Variants in KREMEN1 observed in about 807,000 individuals in gnomAD.
KREMEN1 encodes kringle containing transmembrane protein 1.
A neutral mutation model predicts 46.5 loss-of-function variants in KREMEN1; 30 were observed. The ratio of observed to expected loss-of-function variants is 0.65; its 90% confidence interval spans 0.48 to 0.88. The LOEUF (loss-of-function observed/expected upper bound fraction) is 0.88. KREMEN1 is among the 40% of genes least tolerant of loss of function. The pLI is 0.00. For missense variants in KREMEN1, 533 were observed against 596.9 expected (o/e 0.89, Z 1.11); for synonymous variants, 214 against 230.6 (o/e 0.93, Z 0.65).
chr22:29,159,575 C>T (rs1411432031), intron 9 of KREMEN1, among the ~76,000 whole-genome samples: 1 of 152,004 alleles, frequency 6.6e-6, no homozygotes, highest in Non-Finnish European at 1.5e-5. Flanking sequence ...GCCGAGATCA[C>T]GTCACTGCAC....
intron 1 of KREMEN1, among the ~76,000 whole-genome samples, chr22:29,077,788 G>A (rs1226580860): frequency 6.6e-6 from 1 of 152,108 alleles, no homozygotes; most frequent in Non-Finnish European, 1.5e-5. Flanking sequence ...TGAGAAGGAG[G>A]CTTGATTTTG....
chr22:29,137,440 T>C lies in KREMEN1; in HGVS notation c.730T>C (p.Trp244Arg). The change falls in exon 6 of 9, where the codon TGG becomes CGG. Residue 244 changes from tryptophan to arginine, a missense_variant. By Grantham distance (101) the Trp-to-Arg change is moderately radical. Transcript: ENST00000400335. The part of the protein sequence containing the change: ...DTYATGRVCY[W>R]TIRVPGASHI... Reference sequence around the variant, plus strand: ...CTATGCCACGGGGAGGGTCTGCTACTGGACCATCCGGGTTCCGGGGGCCTC... The same window carrying C: ...CTATGCCACGGGGAGGGTCTGCTACCGGACCATCCGGGTTCCGGGGGCCTC... 6.2e-7 allele frequency: 1 copy of C among 1,600,670 alleles called. No individual in the cohort carries two copies. Among genetic ancestry groups the C allele is most frequent in the Middle Eastern group, 1.7e-4 (1 of 6,024 alleles).
chr22:29,090,639 T>TA (rs1191774740), intron 1 of KREMEN1, among the ~76,000 whole-genome samples: 1 of 152,120 alleles, frequency 6.6e-6, no homozygotes, highest in Non-Finnish European at 1.5e-5. Context: ...TCAAAGGAAA[T>TA]AAAATCACTG....
Position 29,130,779 on chromosome 22 carries a change from C to T in KREMEN1, c.631+5363C>T, listed in dbSNP as rs182200018. On this transcript the variant is annotated intron_variant, in intron 5 of 8. Coordinates refer to ENST00000400335, the MANE Select transcript of KREMEN1 (RefSeq NM_001039570.3). ...AGAATCACAGAAGGCAGGAGGACAC[C>T]GGCCCCCTGCCATGGAGGGCTTGCC... is the stretch of plus-strand genomic sequence containing the variant. 3.3e-4 allele frequency among the ~76,000 whole-genome samples: 50 copies of T among 152,300 alleles called. No individual in the cohort carries two copies. The East Asian group carries it at 6.7e-3, about 21-fold the overall frequency.
intron 7 of KREMEN1, among the ~76,000 whole-genome samples, chr22:29,139,608 GAA>G (rs1469233945): frequency 6.6e-6 from 1 of 151,832 alleles, no homozygotes; most frequent in Non-Finnish European, 1.5e-5. Flanking sequence ...GTCTCAAAAA[GAA>G]AAGAGTAGAA....
At chr22:29,079,238 T>C (rs2037618892) in intron 1 of KREMEN1, among the ~76,000 whole-genome samples, 1 of 152,264 alleles carries the variant, frequency 6.6e-6, no homozygotes, top group Admixed American at 6.5e-5. Flanking sequence ...AAATTCTCTT[T>C]CTAGGTAAAC....
intron 2 of KREMEN1, among the ~76,000 whole-genome samples, chr22:29,095,741 C>T (rs2037874013): frequency 6.6e-6 from 1 of 152,142 alleles, no homozygotes; most frequent in Non-Finnish European, 1.5e-5. Context: ...TTGTAGTTGT[C>T]TCAAAGTCAC....
chr22:29,142,319 C>T lies in KREMEN1; in HGVS notation c.*207C>T. On this transcript the variant is annotated 3_prime_UTR_variant, in exon 9 of 9. Coordinates refer to ENST00000400335, the MANE Select transcript of KREMEN1 (RefSeq NM_001039570.3). ...TGGATTCCTCCTGCTTCATCGATTG[C>T]ACTTAGGAGAGAGACTCAAAGCCCT... The T allele has an allele frequency of 2.4e-6, 3 of 1,274,644 alleles. No individual in the cohort carries two copies. Among genetic ancestry groups the T allele is most frequent in the Non-Finnish European group, 3.0e-6 (3 of 1,012,684 alleles). 79.0% of individuals were successfully genotyped at this position (1,274,644 alleles called of 1,614,324 possible). A position where few individuals can be genotyped will look rare whatever the true frequency, so the allele number is the denominator to read the frequency against.
intron 1 of KREMEN1, among the ~76,000 whole-genome samples, chr22:29,092,948 C>G (rs916698100): frequency 1.2e-4 from 18 of 152,072 alleles, no homozygotes; most frequent in African/African-American, 4.3e-4. Context: ...GCACTCCAGC[C>G]TGGGCAACAG....
chr22:29,080,320 C>T (rs1282146324), intron 1 of KREMEN1, among the ~76,000 whole-genome samples: 1 of 152,246 alleles, frequency 6.6e-6, no homozygotes, highest in Admixed American at 6.5e-5. Context: ...CTGCCATCTG[C>T]ACCTCGTCTA....
rs2038353385 is a variant in KREMEN1, at chr22:29,121,349, T to C, written c.353-8T>C. 1 of 1,613,012 alleles carries C rather than the reference T, an allele frequency of 6.2e-7. No individual in the cohort carries two copies. Among genetic ancestry groups the C allele is most frequent in the South Asian group, 1.1e-5 (1 of 90,934 alleles). On this transcript the variant is annotated splice_polypyrimidine_tract_variant and splice_region_variant and intron_variant, in intron 3 of 8. Coordinates refer to ENST00000400335, the MANE Select transcript of KREMEN1 (RefSeq NM_001039570.3). The stretch of plus-strand genomic sequence containing the variant: ...TGCGAAATTCTTTTGTTTTTCTTTT[T>C]TCTTTAGTGCCTGGAAACCTTGGCT...
chr22:29,104,851 G>A (rs988651847), intron 3 of KREMEN1, among the ~76,000 whole-genome samples: 3 of 152,102 alleles, frequency 2.0e-5, no homozygotes, highest in South Asian at 2.1e-4. Flanking sequence ...CTGAGATGGC[G>A]CCATTGCACT....
At chr22:29,167,127 C>T (rs775689674) in exon 10 of KREMEN1, 14 of 1,547,220 alleles carry the variant, frequency 9.0e-6, no homozygotes, top group Admixed American at 2.0e-5. Context: ...AACTAGGCTC[C>T]GTGGGCATAT....
At chr22:29,102,207 T>C (rs1280174669) in intron 3 of KREMEN1, among the ~76,000 whole-genome samples, 1 of 152,162 alleles carries the variant, frequency 6.6e-6, no homozygotes, top group Non-Finnish European at 1.5e-5. Flanking sequence ...TGGAATAGCA[T>C]CTGAATGCTG....
rs541183302 is a variant in KREMEN1, at chr22:29,073,556, C to T, written c.97+329C>T. Among the ~76,000 whole-genome samples, 1 of 152,152 alleles carries T rather than the reference C, an allele frequency of 6.6e-6. No homozygotes were observed. Among genetic ancestry groups the T allele is most frequent in the African/African-American group, 2.4e-5 (1 of 41,538 alleles). On this transcript the variant is annotated intron_variant, in intron 1 of 8. Transcript: ENST00000400335. The surrounding 1 kb of genome is among the most constrained non-coding windows in gnomAD (Gnocchi z 4.4). ...CGCCCCCCGGGCTGGGACATCTTCTCTGTCTCGGGATCTGGGACCCGCTGC... is the reference window on the plus strand; with the variant it reads ...CGCCCCCCGGGCTGGGACATCTTCTTTGTCTCGGGATCTGGGACCCGCTGC...
chr22:29,093,952 T>C lies in KREMEN1; in HGVS notation c.98-306T>C, dbSNP rs1401920280. Among the ~76,000 whole-genome samples, 4 of 152,250 alleles carry C rather than the reference T, an allele frequency of 2.6e-5. No homozygotes were observed. In the East Asian group the frequency reaches 7.7e-4, roughly 29 times the overall value. On this transcript the variant is annotated intron_variant, in intron 1 of 8. Coordinates refer to ENST00000400335, the MANE Select transcript of KREMEN1 (RefSeq NM_001039570.3). ...ACTGTTCCCAGATTTAGGGGTTTCC[T>C]GGTTCACTTCATGGGCTTCAGTACA...
chr22:29,157,181 T>C (rs2038970227), intron 9 of KREMEN1, among the ~76,000 whole-genome samples: 2 of 152,156 alleles, frequency 1.3e-5, no homozygotes, highest in African/African-American at 2.4e-5. Context: ...CACGCAAAGA[T>C]TACAGTCAGG....
At position 29,137,675 on chromosome 22, in the gene KREMEN1, G is replaced by T. The variant is rs1024936783; in HGVS notation, c.964+1G>T. Reference sequence around the variant, plus strand: ...CAGGGATTTGCTGTTTTATACCAAGGTAAGACATCTTTGCCTCCTTGGGGG... The same window carrying T: ...CAGGGATTTGCTGTTTTATACCAAGTTAAGACATCTTTGCCTCCTTGGGGG... On this transcript the variant is annotated splice_donor_variant, in intron 6 of 8. Transcript: ENST00000400335. LOFTEE classifies it high-confidence loss of function. 1.9e-6 allele frequency: 3 copies of T among 1,582,888 alleles called. No individual in the cohort carries two copies. The African/African-American group carries it at 4.0e-5, about 21-fold the overall frequency.
At chr22:29,123,380 A>G (rs1237506551) in intron 4 of KREMEN1, among the ~76,000 whole-genome samples, 1 of 152,186 alleles carries the variant, frequency 6.6e-6, no homozygotes, top group African/African-American at 2.4e-5. Flanking sequence ...TCAATAGTTA[A>G]AAAAACTGAA....
Sources: gnomAD v4.1 joint callset for allele counts (sites outside exome capture counted in the v4.1 genomes callset) on GRCh38, gnomAD v4.1.1 for gene constraint, Gnocchi (gnomAD v3.1) non-coding constraint, MANE v1.5 for transcripts, NCBI Gene and HGNC (gene_info 2026-07-23, HGNC 2026-07-21) for gene names.